The following MLLT3 variants were observed in gnomAD, a reference collection of about 807,000 sequenced individuals.
MLLT3 encodes protein AF-9.
Under a neutral mutation model 53.2 loss-of-function variants are expected in MLLT3, and 4 were observed. That is an observed-to-expected ratio of 0.08 (90% CI 0.04 to 0.17). The LOEUF is 0.17. Ranked by LOEUF, MLLT3 falls within the 10% of genes least tolerant of loss-of-function variation. The pLI is 1.00. For synonymous variants in MLLT3, 283 were observed against 230.6 expected, an observed-to-expected ratio of 1.23 and a Z score of -2.06; for missense variants, 569 against 684.0, an observed-to-expected ratio of 0.83 and a Z score of 1.87.
chr9:20,619,707 GGAAAA>G (rs746798525), intron 2 of MLLT3, among the ~76,000 whole-genome samples: 1 of 152,140 alleles, frequency 6.6e-6, no homozygotes, highest in Non-Finnish European at 1.5e-5. Context: ...GAGGTTGAAG[GGAAAA>G]GAAATCGGTA....
chr9:20,431,503 G>A (rs1358837447), intron 4 of MLLT3, among the ~76,000 whole-genome samples: 1 of 152,202 alleles, frequency 6.6e-6, no homozygotes, highest in East Asian at 1.9e-4. Context: ...TAAATAGACT[G>A]AATTCCATGT....
chr9:20,538,691 A>G (rs1326249552), intron 2 of MLLT3, among the ~76,000 whole-genome samples: 2 of 152,252 alleles, frequency 1.3e-5, no homozygotes, highest in African/African-American at 4.8e-5. Context: ...TAAAGAAGTA[A>G]GGCATTACAA....
intron 2 of MLLT3, among the ~76,000 whole-genome samples, chr9:20,535,227 T>C (rs567247976): frequency 2.0e-5 from 3 of 152,330 alleles, no homozygotes; most frequent in South Asian, 2.1e-4. Context: ...ATGTGAGGGA[T>C]CTTGGTTGTG....
intron 4 of MLLT3, among the ~76,000 whole-genome samples, chr9:20,426,058 T>C (rs945594955): frequency 6.6e-6 from 1 of 152,078 alleles, no homozygotes; most frequent in Non-Finnish European, 1.5e-5. Flanking sequence ...GTACGTGCTA[T>C]AAAATCCTTT....
chr9:20,483,060 A>G (rs1332894817), intron 2 of MLLT3, among the ~76,000 whole-genome samples: 1 of 152,036 alleles, frequency 6.6e-6, no homozygotes, highest in Non-Finnish European at 1.5e-5. Flanking sequence ...CTCCAGGTGA[A>G]AAAAAAACAA....
intron 2 of MLLT3, among the ~76,000 whole-genome samples, chr9:20,475,065 G>C (rs1824487006): frequency 6.6e-6 from 1 of 152,050 alleles, no homozygotes; most frequent in African/African-American, 2.4e-5. Context: ...AAATGGCCGG[G>C]GGGTGGGAAC....
At chr9:20,528,561 G>A (rs937702623) in intron 2 of MLLT3, among the ~76,000 whole-genome samples, 1 of 152,222 alleles carries the variant, frequency 6.6e-6, no homozygotes, top group Non-Finnish European at 1.5e-5. Flanking sequence ...AAGGCTCTAG[G>A]GGAGAATCTG....
rs1820808207 is a variant in MLLT3, at chr9:20,344,183, T to G, written c.*2260A>C. On this transcript the variant is annotated 3_prime_UTR_variant, in exon 11 of 11. Transcript: ENST00000380338. ...ATCATTATTTTTGTTTGGTCATTTC[T>G]TATCTTACCTAGCTTCTTGGTTAGT... The G allele has an allele frequency of 5.1e-6, 1 of 196,100 alleles. No individual in the cohort carries two copies. Among genetic ancestry groups the G allele is most frequent in the South Asian group, 1.9e-4 (1 of 5,236 alleles). The allele number at this position is 196,100 out of a possible 1,614,324, so 12.1% of individuals were successfully genotyped here.
chr9:20,611,975 AT>A, intron 2 of MLLT3, among the ~76,000 whole-genome samples: 1 of 152,292 alleles, frequency 6.6e-6, no homozygotes, highest in South Asian at 2.1e-4. Context: ...ACTTTAATTC[AT>A]ATAGAGAATT....
intron 5 of MLLT3, among the ~76,000 whole-genome samples, chr9:20,373,632 G>C (rs1821677430): frequency 6.6e-6 from 1 of 152,190 alleles, no homozygotes; most frequent in East Asian, 1.9e-4. Context: ...AAAAGGGAAA[G>C]AGTACAGTAT....
At chr9:20,494,341 T>C (rs1825023049) in intron 2 of MLLT3, among the ~76,000 whole-genome samples, 2 of 152,128 alleles carry the variant, frequency 1.3e-5, no homozygotes, top group African/African-American at 2.4e-5. Context: ...AAGAGGTTTA[T>C]GCACAAATCC....
At chr9:20,543,142 C>A (rs1233036494) in intron 2 of MLLT3, among the ~76,000 whole-genome samples, 6 of 152,314 alleles carry the variant, frequency 3.9e-5, no homozygotes, top group African/African-American at 1.4e-4. Flanking sequence ...TAAACTTTCT[C>A]CATATTAGCA....
chr9:20,553,259 GGAA>G (rs1430934182), intron 2 of MLLT3, among the ~76,000 whole-genome samples: 1 of 152,148 alleles, frequency 6.6e-6, no homozygotes, highest in Non-Finnish European at 1.5e-5. Context: ...GTTTCACAAA[GGAA>G]GAAGAGAGGG....
In MLLT3 at chr9:20,343,325, A is replaced by G; in HGVS notation, c.*3118T>C. ...ATTGCCTAGCAATTTAAAATGTTTA[A>G]GACACTCTCTTAAGAGATATTTTTT... On this transcript the variant is annotated 3_prime_UTR_variant, in exon 11 of 11. Coordinates refer to ENST00000380338, the MANE Select transcript of MLLT3 (RefSeq NM_004529.4). The G allele has an allele frequency of 4.9e-6, 1 of 204,292 alleles. No homozygotes were observed. The highest frequency in any genetic ancestry group is 1.0e-5 in the Non-Finnish European group (1 of 100,496). The allele number at this position is 204,292 out of a possible 1,614,324, so 12.7% of individuals were successfully genotyped here.
intron 2 of MLLT3, among the ~76,000 whole-genome samples, chr9:20,534,973 C>T (rs1818441359): frequency 6.6e-6 from 1 of 152,000 alleles, no homozygotes; most frequent in Admixed American, 6.6e-5. Flanking sequence ...ATGAACTAAT[C>T]ATGGTTTGCT....
intron 5 of MLLT3, among the ~76,000 whole-genome samples, chr9:20,396,890 A>G (rs1187489536): frequency 6.6e-6 from 1 of 152,206 alleles, no homozygotes; most frequent in Non-Finnish European, 1.5e-5. Flanking sequence ...GTGAGGCACA[A>G]TCAAGATTTC....
intron 2 of MLLT3, chr9:20,532,879 A>G: frequency 3.8e-6 from 1 of 264,298 alleles, no homozygotes; most frequent in South Asian, 5.2e-5. Flanking sequence ...GCAAAGCAAG[A>G]CAAGAAGCAG....
chr9:20,401,650 G>C (rs934524385), intron 5 of MLLT3, among the ~76,000 whole-genome samples: 1 of 152,100 alleles, frequency 6.6e-6, no homozygotes, highest in Non-Finnish European at 1.5e-5. Flanking sequence ...AAGACAAAAT[G>C]GTACCTACCA....
chr9:20,429,127 GC>G (rs1823204131), intron 4 of MLLT3, among the ~76,000 whole-genome samples: 1 of 152,126 alleles, frequency 6.6e-6, no homozygotes, highest in African/African-American at 2.4e-5. Context: ...GTTTTAGGAG[GC>G]CAAAGTGGGA....
Sources: allele counts gnomAD v4.1 joint callset (sites outside exome capture counted in the v4.1 genomes callset), GRCh38; gene constraint gnomAD v4.1.1; transcripts MANE v1.5; gene names NCBI Gene and HGNC (gene_info 2026-07-23, HGNC 2026-07-21).